The following TMEM117 variants were observed in gnomAD, a reference collection of about 807,000 sequenced individuals.
TMEM117 encodes transmembrane protein 117.
TMEM117 carries 27 observed loss-of-function variants against 52.4 expected under a neutral mutation model. The ratio of observed to expected loss-of-function variants is 0.51; its 90% CI spans 0.38 to 0.71. The LOEUF is 0.71. TMEM117 is among the 30% of genes least tolerant of loss of function. The pLI, the probability that TMEM117 is intolerant of heterozygous loss-of-function variation, is 0.00. For missense variants in TMEM117, 556 were observed against 630.5 expected (o/e 0.88, Z 1.26); for synonymous variants, 215 against 206.3 (o/e 1.04, Z -0.36).
chr12:44,053,059 A>G (rs73089753), intron 3 of TMEM117, among the ~76,000 whole-genome samples: 14,554 of 152,064 alleles, frequency 0.096, 1,112 homozygotes, highest in African/African-American at 0.21. Context: ...GGTCCCTGAC[A>G]CCAACTGGGT....
intron 4 of TMEM117, among the ~76,000 whole-genome samples, chr12:44,166,617 A>G (rs1414908658): frequency 6.6e-6 from 1 of 152,152 alleles, no homozygotes; most frequent in African/African-American, 2.4e-5. Flanking sequence ...GACAAATAAA[A>G]TTTTCTAAAA....
At chr12:44,020,543 T>C (rs902522100) in intron 3 of TMEM117, among the ~76,000 whole-genome samples, 2 of 152,202 alleles carry the variant, frequency 1.3e-5, no homozygotes, top group African/African-American at 4.8e-5. Context: ...CCTAACATTA[T>C]CATTTGTGCC....
intron 2 of TMEM117, among the ~76,000 whole-genome samples, chr12:43,848,987 G>A (rs1240855815): frequency 1.3e-5 from 2 of 152,184 alleles, no homozygotes; most frequent in Non-Finnish European, 2.9e-5. Context: ...CACATGACAT[G>A]TTGTAACAGA....
intron 4 of TMEM117, among the ~76,000 whole-genome samples, chr12:44,175,181 C>G (rs568079416): frequency 6.6e-6 from 1 of 152,264 alleles, no homozygotes; most frequent in South Asian, 2.1e-4. Context: ...CAAAGAGTTG[C>G]TGCAGAGATT....
intron 5 of TMEM117, among the ~76,000 whole-genome samples, chr12:44,297,838 T>C (rs1431803587): frequency 6.6e-6 from 1 of 152,172 alleles, no homozygotes; most frequent in African/African-American, 2.4e-5. Context: ...TCTTATTACA[T>C]AATACTTGCA....
intron 2 of TMEM117, among the ~76,000 whole-genome samples, chr12:43,862,660 C>T (rs972445578): frequency 1.1e-4 from 17 of 152,196 alleles, no homozygotes; most frequent in Non-Finnish European, 2.4e-4. Context: ...GGAGCTGTGA[C>T]AGAAAATGCC....
chr12:44,298,717 G>C (rs1362090213), intron 5 of TMEM117, among the ~76,000 whole-genome samples: 17 of 150,908 alleles, frequency 1.1e-4, no homozygotes, highest in Admixed American at 1.0e-3. Flanking sequence ...TATCTAGCAG[G>C]GAGCAGTTGC....
chr12:43,831,831 C>T (rs778303501), upstream of TMEM117, among the ~76,000 whole-genome samples: 3 of 152,134 alleles, frequency 2.0e-5, no homozygotes, highest in Non-Finnish European at 4.4e-5. Context: ...GAGTGAGCCA[C>T]CGTGCCCGGC....
At chr12:44,065,023 A>G (rs1947200884) in intron 3 of TMEM117, among the ~76,000 whole-genome samples, 2 of 152,374 alleles carry the variant, frequency 1.3e-5, no homozygotes, top group South Asian at 2.1e-4. Context: ...ATAAAAATAC[A>G]ATAGCCCTTT....
At chr12:44,203,575 T>G (rs1394973532) in intron 4 of TMEM117, among the ~76,000 whole-genome samples, 1 of 152,198 alleles carries the variant, frequency 6.6e-6, no homozygotes, top group East Asian at 1.9e-4. Context: ...TTTAACTTGA[T>G]GTAGGTGATT....
At chr12:43,885,412 T>TCC (rs1249964467) in intron 2 of TMEM117, among the ~76,000 whole-genome samples, 2 of 42,164 alleles carry the variant, frequency 4.7e-5, no homozygotes, top group Non-Finnish European at 2.2e-4. Flanking sequence ...TCTTTTTCTT[T>TCC]TCTTTTCTTT....
intron 3 of TMEM117, among the ~76,000 whole-genome samples, chr12:43,985,914 A>G (rs1945840296): frequency 6.6e-6 from 1 of 152,240 alleles, no homozygotes; most frequent in Admixed American, 6.5e-5. Flanking sequence ...TGTTGGTTCA[A>G]CAATGCTGAG....
At chr12:43,961,394 A>G (rs568020374) in intron 3 of TMEM117, among the ~76,000 whole-genome samples, 140 of 151,826 alleles carry the variant, frequency 9.2e-4, no homozygotes, top group Non-Finnish European at 1.8e-3. Context: ...GCCCAAATGA[A>G]TACCTGGCTC....
At chr12:43,942,102 A>C (rs1592380488) in intron 2 of TMEM117, among the ~76,000 whole-genome samples, 1 of 152,238 alleles carries the variant, frequency 6.6e-6, no homozygotes, top group Non-Finnish European at 1.5e-5. Context: ...TAAAGCTGAA[A>C]GGACTTGCAG....
At chr12:43,983,427 A>G (rs946770343) in intron 3 of TMEM117, among the ~76,000 whole-genome samples, 1 of 151,918 alleles carries the variant, frequency 6.6e-6, no homozygotes, top group African/African-American at 2.4e-5. Flanking sequence ...GTAATACACT[A>G]GGAGTCACTG....
chr12:44,108,148 C>CTTCA (rs1269818241), intron 3 of TMEM117, among the ~76,000 whole-genome samples: 3 of 151,744 alleles, frequency 2.0e-5, no homozygotes, highest in Non-Finnish European at 2.9e-5. Context: ...GGATAGTTTA[C>CTTCA]TTCATCTCTT....
chr12:44,331,245 A>G (rs1951267329), intron 6 of TMEM117, among the ~76,000 whole-genome samples: 1 of 151,572 alleles, frequency 6.6e-6, no homozygotes, highest in African/African-American at 2.4e-5. Context: ...CCACCTTAGT[A>G]GTACTATTTA....
intron 4 of TMEM117, among the ~76,000 whole-genome samples, chr12:44,168,688 T>G (rs1283728970): frequency 6.6e-6 from 1 of 152,174 alleles, no homozygotes; most frequent in African/African-American, 2.4e-5. Context: ...TAAAATATAT[T>G]TTTTTATTGT....
intron 2 of TMEM117, among the ~76,000 whole-genome samples, chr12:43,848,676 A>G (rs905637410): frequency 1.3e-5 from 2 of 152,214 alleles, no homozygotes; most frequent in African/African-American, 4.8e-5. Context: ...TGTACAGTTA[A>G]CGCAATGATC....
Sources: allele counts gnomAD v4.1 joint callset (sites outside exome capture counted in the v4.1 genomes callset), GRCh38; gene constraint gnomAD v4.1.1; transcripts MANE v1.5; gene names NCBI Gene and HGNC (gene_info 2026-07-23, HGNC 2026-07-21).